COQ7: variants seen among roughly 807,000 people sequenced by gnomAD.
The protein encoded by COQ7 is coenzyme Q7, hydroxylase.
Under a neutral mutation model 25.0 loss-of-function variants are expected in COQ7, and 21 were observed. The ratio of observed to expected loss-of-function variants is 0.84; its 90% CI spans 0.60 to 1.21. The LOEUF is 1.21. Ranked by LOEUF, COQ7 falls within the 50% of genes most tolerant of loss-of-function variation. The probability of loss-of-function intolerance (pLI) is 0.00; values close to 1 mark genes in which losing one functional copy is unlikely to be tolerated. For missense variants in COQ7, 311 were observed against 296.2 expected, an observed-to-expected ratio of 1.05 and a Z score of -0.37; for synonymous variants, 125 against 112.4, an observed-to-expected ratio of 1.11 and a Z score of -0.71.
intron 5 of COQ7, 97 bp from the exon 6 acceptor site, chr16:19,077,984 A>T: frequency 1.2e-6 from 1 of 807,242 alleles, no homozygotes; most frequent in Non-Finnish European, 1.9e-6. Context: ...TCTATTTCTT[A>T]TCCAGAGAAA....
intron 2 of COQ7, 116 bp from the exon 3 acceptor site, chr16:19,073,802 TGGG>T: frequency 1.5e-6 from 1 of 672,380 alleles, no homozygotes; most frequent in Non-Finnish European, 2.6e-6. Context: ...TTGAGGGGAA[TGGG>T]GGAGACAGCA....
chr16:19,067,749 C>A lies in COQ7; in HGVS notation c.73+12C>A. The A allele has an allele frequency of 6.3e-7, 1 of 1,598,396 alleles. No homozygotes were observed. The highest frequency in any genetic ancestry group is 8.5e-7 in the Non-Finnish European group (1 of 1,177,398). ...GCGGTCCCTCTCAGGTAAAAGGAGG[C>A]GCGCAGTCACAGTCCTGCGCCGGTC... On this transcript the variant is annotated intron_variant, in intron 1 of 5. Transcript: ENST00000321998.
In COQ7 at chr16:19,079,217, C is replaced by T. The variant is rs914410413; in HGVS notation, c.*1059C>T. 2 of 152,264 alleles carry T rather than the reference C, an allele frequency of 1.3e-5. No individual in the cohort carries two copies. The highest frequency in any genetic ancestry group is 4.8e-5 in the African/African-American group (2 of 41,444). 9.4% of individuals were successfully genotyped at this position (152,264 alleles called of 1,614,324 possible). On this transcript the variant is annotated 3_prime_UTR_variant, in exon 6 of 6. Transcript: ENST00000321998. ...GCCAGCACTTTGATCACGGACTTCC[C>T]AGCCTCTAGGACTGTGAGCAATAAA...
chr16:19,068,516 A>G (rs1962363571), intron 1 of COQ7: 1 of 393,276 alleles, frequency 2.5e-6, no homozygotes, highest in South Asian at 8.3e-5. Flanking sequence ...GCCAGGCGTG[A>G]TGGCAGGTGC....
At chr16:19,068,726 T>G (rs908436938) in intron 1 of COQ7, 3 of 272,388 alleles carry the variant, frequency 1.1e-5, no homozygotes, top group African/African-American at 6.7e-5. Flanking sequence ...GTGTACCACT[T>G]TCGGGATTTT....
intron 1 of COQ7, chr16:19,068,074 C>T (rs186693288): frequency 3.4e-6 from 4 of 1,183,232 alleles, no homozygotes; most frequent in African/African-American, 3.2e-5. Context: ...CCGGGAGTCT[C>T]TCTCTTTGTA....
chr16:19,074,669 A>G lies in COQ7; in HGVS notation c.367+634A>G, dbSNP rs548815779. 9.4e-4 allele frequency among the ~76,000 whole-genome samples: 143 copies of G among 152,218 alleles called. 1 individual carries two copies. The highest frequency in any genetic ancestry group is 3.3e-3 in the African/African-American group (136 of 41,536). On this transcript the variant is annotated intron_variant, in intron 3 of 5. Coordinates refer to ENST00000321998, the MANE Select transcript of COQ7 (RefSeq NM_016138.5). Reference sequence around the variant, plus strand: ...AGTGATCCTCCCACCTAAGCCTCTGAGCCTGAGTATCTTGGACTACTGGCG... The same window carrying G: ...AGTGATCCTCCCACCTAAGCCTCTGGGCCTGAGTATCTTGGACTACTGGCG...
chr16:19,083,081 TTG>T (rs2142412809), downstream of COQ7, among the ~76,000 whole-genome samples: 1 of 152,296 alleles, frequency 6.6e-6, no homozygotes, highest in East Asian at 1.9e-4. Context: ...CATGTTAAAA[TTG>T]TGAATTGTAT....
At chr16:19,076,551 T>A (rs994816595) in intron 4 of COQ7, among the ~76,000 whole-genome samples, 4 of 150,806 alleles carry the variant, frequency 2.7e-5, no homozygotes, top group African/African-American at 4.9e-5. Flanking sequence ...GTGCTGAGAT[T>A]ACAGGTGTGA....
intron 4 of COQ7, among the ~76,000 whole-genome samples, chr16:19,076,658 C>G (rs1172798718): frequency 2.1e-5 from 3 of 143,284 alleles, no homozygotes; most frequent in Non-Finnish European, 3.0e-5. Context: ...GCAGTGGTCT[C>G]CGCCTGCATT....
At chr16:19,077,948 G>T (rs573054172) in intron 5 of COQ7, 133 bp from the exon 6 acceptor site, 5 of 587,116 alleles carry the variant, frequency 8.5e-6, no homozygotes, top group Admixed American at 3.8e-5. Flanking sequence ...AGCTTTCTTT[G>T]AAACTAAAAT....
intron 2 of COQ7, 118 bp from the exon 3 acceptor site, chr16:19,073,803 G>A: frequency 3.0e-6 from 2 of 677,180 alleles, no homozygotes; most frequent in Non-Finnish European, 2.6e-6. Context: ...TGAGGGGAAT[G>A]GGGGAGACAG....
Position 19,077,359 on chromosome 16 carries a change from C to A in COQ7, c.561C>A (p.Asp187Glu). 1.2e-6 allele frequency: 2 copies of A among 1,613,988 alleles called. No homozygotes were observed. The highest frequency in any genetic ancestry group is 1.7e-6 in the Non-Finnish European group (2 of 1,179,952). Residue 187 changes from aspartate to glutamate, a missense_variant, in exon 5 of 6, where the codon GAC becomes GAA. Coordinates refer to ENST00000321998, the MANE Select transcript of COQ7 (RefSeq NM_016138.5). ...TTGAGCACCATGACATAGGCCTCGACCATGATGCAGAATTGGTAGGGCCCT... is the reference window on the plus strand; with the variant it reads ...TTGAGCACCATGACATAGGCCTCGAACATGATGCAGAATTGGTAGGGCCCT... ...EELEHHDIGL[D>E]HDAELAPAYA...
At chr16:19,068,365 C>A in intron 1 of COQ7, 1 of 989,798 alleles carries the variant, frequency 1.0e-6, no homozygotes, top group East Asian at 1.1e-4. Flanking sequence ...AGAAAATTGT[C>A]ATGAGCCCGG....
downstream of COQ7, chr16:19,080,105 C>G (rs1257470523): frequency 6.6e-6 from 1 of 152,138 alleles, no homozygotes; most frequent in Non-Finnish European, 1.5e-5. Flanking sequence ...AGGTACTGAT[C>G]TGCTCTTTAA....
chr16:19,078,138 T>G lies in COQ7; in HGVS notation c.634T>G (p.Tyr212Asp), dbSNP rs1185742421. 11 of 1,611,992 alleles carry G rather than the reference T, an allele frequency of 6.8e-6. No individual in the cohort carries two copies. The highest frequency in any genetic ancestry group is 9.3e-6 in the Non-Finnish European group (11 of 1,179,100). Residue 212 changes from tyrosine to aspartate, a missense_variant, in exon 6 of 6, where the codon TAT becomes GAT. By Grantham distance (160) the Tyr-to-Asp change is radical. Transcript: ENST00000321998. ...IIQAGCRVAI[Y>D]LSERL ...CCAGGCCGGATGCAGAGTGGCGATA[T>G]ATTTATCAGAAAGATTATAAAGTGT...
chr16:19,074,080 G>A (rs752550177), intron 3 of COQ7, 45 bp downstream of exon 3: 1 of 1,404,238 alleles, frequency 7.1e-7, no homozygotes, highest in South Asian at 1.2e-5. Flanking sequence ...GGGGATCTAG[G>A]ATGATTAAAT....
downstream of COQ7, among the ~76,000 whole-genome samples, chr16:19,082,935 G>T (rs1036570968): frequency 6.6e-6 from 1 of 151,966 alleles, no homozygotes; most frequent in Admixed American, 6.6e-5. Flanking sequence ...ATTAGTGGTC[G>T]TCTAGGGCTG....
At chr16:19,082,765 T>TA (rs35088774), downstream of COQ7, among the ~76,000 whole-genome samples, 79,506 of 147,426 alleles carry the variant, frequency 0.54, 22,552 homozygotes, top group East Asian at 0.81. Context: ...AGACTCTGTC[T>TA]AAAAAAAAAA....
Sources: allele counts gnomAD v4.1 joint callset (sites outside exome capture counted in the v4.1 genomes callset), GRCh38; gene constraint gnomAD v4.1.1; transcripts MANE v1.5; gene names NCBI Gene and HGNC (gene_info 2026-07-23, HGNC 2026-07-21).